Variants in MED23 observed in about 807,000 individuals in gnomAD.
MED23 encodes the protein mediator complex subunit 23, also known as mediator of RNA polymerase II transcription subunit 23.
A neutral mutation model predicts 163.9 loss-of-function variants in MED23; 105 were observed. The ratio of observed to expected loss-of-function variants is 0.64; its 90% CI spans 0.55 to 0.75. The LOEUF is 0.75. Among genes scored for constraint, MED23 ranks in the 30% least tolerant of loss-of-function variants. The pLI, the probability that MED23 is intolerant of heterozygous loss-of-function variation, is 0.00. For synonymous variants in MED23, 561 were observed against 565.6 expected (o/e 0.99, Z 0.12); for missense variants, 1,054 against 1,649.0 (o/e 0.64, Z 6.25).
intron 26 of MED23, 47 bp from the exon 27 acceptor site, chr6:131,590,489 T>C: frequency 1.4e-6 from 2 of 1,457,842 alleles, no homozygotes; most frequent in Non-Finnish European, 1.9e-6. Context: ...ATTATTTAAA[T>C]TGTTTGAATT....
At position 131,623,408 on chromosome 6, in the gene MED23, C is replaced by T. The variant is rs1345477762; in HGVS notation, c.339G>A (p.Gln113=). 1 of 1,614,156 alleles carries T rather than the reference C, an allele frequency of 6.2e-7. No homozygotes were observed. The highest frequency in any genetic ancestry group is 1.1e-5 in the South Asian group (1 of 91,074). The change falls in exon 5 of 29, where the codon CAG becomes CAA. Residue 113 remains glutamine, a synonymous_variant. Transcript: ENST00000368068. ...NSDTLEWERT[Q]LWALTFKLVR... Reference sequence around the variant, plus strand: ...CCAGTTTAAATGTTAAGGCCCAAAGCTGTGTTCTTTCCCACTCAAGAGTGT... The same window carrying T: ...CCAGTTTAAATGTTAAGGCCCAAAGTTGTGTTCTTTCCCACTCAAGAGTGT...
At position 131,594,213 on chromosome 6, in the gene MED23, G is replaced by A. The variant is rs1227926952; in HGVS notation, c.3118C>T (p.Gln1040Ter). 1 of 1,614,156 alleles carries A rather than the reference G, an allele frequency of 6.2e-7. No homozygotes were observed. The highest frequency in any genetic ancestry group is 2.2e-5 in the East Asian group (1 of 44,888). ...TAAGTGTCACTTAGACACCAGCCCT[G>A]CGGTCGATTATCCTTCAGAGAGCCA... ...IIGSLKDNRP[Q>*]GWCLSDTYLK... Residue 1040 changes from glutamine (Q) to a stop codon, truncating the protein, a stop_gained, in exon 23 of 29, where the codon CAG (glutamine) becomes TAG (stop). Transcript: ENST00000368068. LOFTEE classifies it high-confidence loss of function.
In MED23 at chr6:131,605,249, G is replaced by A; in HGVS notation, c.1604C>T (p.Ala535Val). ...AATAAAAAGAACATACCTCATTTTG[G>A]CATGAACTGTCAGTGAATCCAGGAG... ...MNLLDSLTVHAKMSLIHSIAT... is the reference protein window; with the variant it reads ...MNLLDSLTVHVKMSLIHSIAT... Residue 535 changes from alanine (A) to valine (V), a missense_variant, in exon 14 of 29, where the codon GCC becomes GTC. This residue lies in a region of MED23 where 54 missense variants were observed against 89.8 expected (regional missense o/e 0.60). Coordinates refer to ENST00000368068, the MANE Select transcript of MED23 (RefSeq NM_004830.4). 6.2e-7 allele frequency: 1 copy of A among 1,613,346 alleles called. No homozygotes were observed. The highest frequency in any genetic ancestry group is 8.5e-7 in the Non-Finnish European group (1 of 1,179,546).
chr6:131,605,601 T>C (rs1350001311), intron 13 of MED23, 116 bp from the exon 14 acceptor site: 3 of 941,948 alleles, frequency 3.2e-6, no homozygotes, highest in African/African-American at 1.7e-5. Flanking sequence ...TCTTTGTTCC[T>C]ATAGGTATTA....
At chr6:131,594,411 C>T (rs1774887923) in intron 22 of MED23, 76 bp from the exon 23 acceptor site, 3 of 1,111,950 alleles carry the variant, frequency 2.7e-6, no homozygotes, top group East Asian at 2.3e-5. Context: ...AACTGCTTTC[C>T]AGATAACTGA....
At chr6:131,612,148 C>T (rs1171896618) in intron 10 of MED23, among the ~76,000 whole-genome samples, 2 of 151,982 alleles carry the variant, frequency 1.3e-5, no homozygotes, top group Non-Finnish European at 2.9e-5. Flanking sequence ...TGCTCCGGTA[C>T]CTGATGGTAG....
intron 3 of MED23, among the ~76,000 whole-genome samples, chr6:131,626,122 CAAAAAA>C (rs138561737): frequency 3.4e-5 from 2 of 59,690 alleles, no homozygotes; most frequent in African/African-American, 4.9e-5. Flanking sequence ...ACTCTGTCTC[CAAAAAA>C]AAAAAAAAAA....
At chr6:131,578,935 A>G (rs1047911283) in intron 30 of MED23, among the ~76,000 whole-genome samples, 3 of 152,162 alleles carry the variant, frequency 2.0e-5, no homozygotes. Context: ...TACTGGTAAC[A>G]TGACGTCAAG....
chr6:131,579,864 G>C (rs1773829097), intron 30 of MED23, among the ~76,000 whole-genome samples: 3 of 151,976 alleles, frequency 2.0e-5, no homozygotes, highest in Admixed American at 2.0e-4. Context: ...GTGTGAGAGA[G>C]AGAGAGAGAG....
intron 11 of MED23, among the ~76,000 whole-genome samples, chr6:131,609,828 C>T (rs1260952345): frequency 6.6e-6 from 1 of 150,812 alleles, no homozygotes; most frequent in African/African-American, 2.4e-5. Flanking sequence ...CTTGTATCTG[C>T]TGGTGCCTGC....
chr6:131,627,990 A>T (rs771015511), intron 1 of MED23, 21 bp downstream of exon 1: 10 of 1,613,740 alleles, frequency 6.2e-6, no homozygotes, highest in African/African-American at 1.3e-5. Context: ...GTAGTCCTGG[A>T]TGGCCGGCAG....
chr6:131,622,044 G>A (rs1009245447), intron 5 of MED23, 65 bp from the exon 6 acceptor site: 20 of 1,182,040 alleles, frequency 1.7e-5, no homozygotes, highest in African/African-American at 6.0e-5. Flanking sequence ...TAAAACGTCC[G>A]AAGGTTTCAG....
chr6:131,615,294 CACAAT>C, intron 10 of MED23: 1 of 1,607,852 alleles, frequency 6.2e-7, no homozygotes, highest in Non-Finnish European at 8.5e-7. Flanking sequence ...TATCGTTAGT[CACAAT>C]ACAACAGTAA....
At chr6:131,577,473 G>A (rs1276326164) in intron 30 of MED23, among the ~76,000 whole-genome samples, 1 of 152,122 alleles carries the variant, frequency 6.6e-6, no homozygotes, top group African/African-American at 2.4e-5. Context: ...TTGGGTAAGA[G>A]ATTTGTGCTT....
intron 22 of MED23, among the ~76,000 whole-genome samples, chr6:131,594,805 A>AAAAC (rs149049119): frequency 0.01 from 742 of 73,008 alleles, 6 homozygotes; most frequent in South Asian, 0.045. Context: ...CACTTGTGTT[A>AAAAC]AAACAAACAA....
chr6:131,614,374 A>G (rs1776494417), intron 10 of MED23, among the ~76,000 whole-genome samples: 1 of 152,234 alleles, frequency 6.6e-6, no homozygotes. Flanking sequence ...CACAACCTTC[A>G]CTATAGTATT....
At chr6:131,581,319 A>C (rs535456448) in intron 30 of MED23, 1 of 1,613,920 alleles carries the variant, frequency 6.2e-7, no homozygotes, top group East Asian at 2.2e-5. Flanking sequence ...ACTGACAACC[A>C]CAAGTGGAAA....
chr6:131,600,202 T>C, intron 17 of MED23, 40 bp from the exon 18 acceptor site: 1 of 1,533,532 alleles, frequency 6.5e-7, no homozygotes, highest in Non-Finnish European at 9.0e-7. Flanking sequence ...ATATAAATGA[T>C]TATATCCACA....
downstream of MED23, among the ~76,000 whole-genome samples, chr6:131,582,303 A>T (rs1317424914): frequency 3.3e-5 from 5 of 152,182 alleles, no homozygotes; most frequent in Non-Finnish European, 7.3e-5. Flanking sequence ...TTAAGGACTT[A>T]CTGAGAAAGG....
Sources: allele counts gnomAD v4.1 joint callset (sites outside exome capture counted in the v4.1 genomes callset), GRCh38; gene constraint gnomAD v4.1.1; regional missense constraint gnomAD v4.1.1; transcripts MANE v1.5; gene names NCBI Gene and HGNC (gene_info 2026-07-23, HGNC 2026-07-21).